Variants in RIMS2 observed in about 807,000 individuals in gnomAD.
RIMS2 encodes the protein regulating synaptic membrane exocytosis 2, also known as regulating synaptic membrane exocytosis protein 2.
RIMS2 carries 59 observed loss-of-function variants against 174.4 expected under a neutral mutation model. That is an observed-to-expected ratio of 0.34 (90% CI 0.27 to 0.42). RIMS2 has a LOEUF of 0.42. Ranked by LOEUF, RIMS2 falls within the 10% of genes least tolerant of loss-of-function variation. The pLI is 1.00. For missense variants in RIMS2, 1,620 were observed against 1,666.3 expected (o/e 0.97, Z 0.48); for synonymous variants, 606 against 572.5 (o/e 1.06, Z -0.84).
At chr8:103,640,309 A>G (rs947862984) in intron 1 of RIMS2, among the ~76,000 whole-genome samples, 2 of 151,684 alleles carry the variant, frequency 1.3e-5, no homozygotes, top group African/African-American at 2.4e-5. Flanking sequence ...GAATTTATCA[A>G]TTTATTGGTC....
intron 16 of RIMS2, 25 bp from the exon 19 acceptor site, chr8:103,989,280 T>C (rs778193318): frequency 7.7e-7 from 1 of 1,295,810 alleles, no homozygotes; most frequent in South Asian, 1.2e-5. Context: ...TTTACTAAGA[T>C]ATTGAATAGA....
At chr8:103,640,599 T>G (rs1298564517) in intron 1 of RIMS2, among the ~76,000 whole-genome samples, 6 of 152,078 alleles carry the variant, frequency 3.9e-5, no homozygotes, top group Non-Finnish European at 8.8e-5. Flanking sequence ...TTTAATCTAT[T>G]TTGAGACTTG....
intron 3 of RIMS2, among the ~76,000 whole-genome samples, chr8:103,856,600 G>T (rs748715302): frequency 3.3e-5 from 5 of 152,166 alleles, no homozygotes; most frequent in Non-Finnish European, 5.9e-5. Flanking sequence ...AGGAAAGTTG[G>T]TGGCCTTTCA....
At chr8:104,082,564 G>A (rs2097443458) in intron 19 of RIMS2, among the ~76,000 whole-genome samples, 1 of 152,098 alleles carries the variant, frequency 6.6e-6, no homozygotes, top group Non-Finnish European at 1.5e-5. Context: ...CTTTAGTGTG[G>A]AAATATACAA....
chr8:103,809,501 C>T (rs1304478961), intron 3 of RIMS2, among the ~76,000 whole-genome samples: 1 of 152,074 alleles, frequency 6.6e-6, no homozygotes, highest in African/African-American at 2.4e-5. Flanking sequence ...TCCCTCCACT[C>T]CTTTTTCTTT....
intron 17 of RIMS2, among the ~76,000 whole-genome samples, chr8:103,996,513 C>T (rs1355916228): frequency 6.6e-6 from 1 of 151,804 alleles, no homozygotes; most frequent in African/African-American, 2.4e-5. Flanking sequence ...AAAACAATTG[C>T]ATTATTTAGA....
intron 4 of RIMS2, among the ~76,000 whole-genome samples, chr8:103,892,583 C>T (rs189762031): frequency 1.3e-5 from 2 of 152,124 alleles, no homozygotes; most frequent in East Asian, 3.9e-4. Flanking sequence ...GTATTCACTC[C>T]ACCTATCGGT....
intron 19 of RIMS2, among the ~76,000 whole-genome samples, chr8:104,083,267 C>A (rs1254448267): frequency 6.6e-6 from 1 of 152,160 alleles, no homozygotes; most frequent in Non-Finnish European, 1.5e-5. Context: ...TAAAGTTACG[C>A]TATTACCTTC....
intron 1 of RIMS2, among the ~76,000 whole-genome samples, chr8:103,528,071 A>G (rs1426873800): frequency 2.0e-5 from 3 of 152,126 alleles, no homozygotes; most frequent in East Asian, 1.9e-4. Flanking sequence ...TGACTTTTTA[A>G]TGATCGCCAT....
chr8:103,766,128 TAACC>T, intron 2 of RIMS2, 95 bp from the exon 6 acceptor site: 2 of 702,312 alleles, frequency 2.8e-6, no homozygotes, highest in East Asian at 5.2e-5. Flanking sequence ...TTCAGAAGGA[TAACC>T]ACGTAATTTT....
intron 19 of RIMS2, among the ~76,000 whole-genome samples, chr8:104,086,578 G>A (rs1336015272): frequency 6.6e-6 from 1 of 152,024 alleles, no homozygotes; most frequent in Non-Finnish European, 1.5e-5. Flanking sequence ...TTCTTCCTCT[G>A]TAAATTATCC....
chr8:103,700,888 G>C (rs2097159346), intron 2 of RIMS2, among the ~76,000 whole-genome samples: 1 of 152,004 alleles, frequency 6.6e-6, no homozygotes, highest in South Asian at 2.1e-4. Flanking sequence ...TGTATTATAA[G>C]AAGCTCACAG....
At chr8:103,544,949 A>G (rs925227205) in intron 1 of RIMS2, among the ~76,000 whole-genome samples, 20 of 152,154 alleles carry the variant, frequency 1.3e-4, no homozygotes, top group Admixed American at 1.1e-3. Context: ...ATGTGAAAAA[A>G]CCAGTGCAAG....
chr8:103,729,280 A>C (rs2138810830), intron 2 of RIMS2, among the ~76,000 whole-genome samples: 1 of 152,144 alleles, frequency 6.6e-6, no homozygotes, highest in Non-Finnish European at 1.5e-5. Flanking sequence ...CAAGCTTTGG[A>C]GTTCTTCATG....
intron 19 of RIMS2, among the ~76,000 whole-genome samples, chr8:104,109,133 TAAAAATACA>T (rs375804982): frequency 1.3e-4 from 19 of 151,518 alleles, no homozygotes; most frequent in African/African-American, 4.6e-4. Flanking sequence ...CTGTCTCTAC[TAAAAATACA>T]AAAAATTAGC....
chr8:103,575,452 A>G (rs1486582944), intron 1 of RIMS2, among the ~76,000 whole-genome samples: 1 of 152,044 alleles, frequency 6.6e-6, no homozygotes, highest in Non-Finnish European at 1.5e-5. Flanking sequence ...GCAGAAATGA[A>G]TGCATGTACT....
At chr8:103,897,598 G>A (rs1247354495) in intron 4 of RIMS2, among the ~76,000 whole-genome samples, 1 of 151,624 alleles carries the variant, frequency 6.6e-6, no homozygotes, top group Non-Finnish European at 1.5e-5. Context: ...CTTTCAGTTT[G>A]CAGACCTAGC....
chr8:104,230,761 G>A (rs943579940), intron 19 of RIMS2, among the ~76,000 whole-genome samples: 19 of 152,152 alleles, frequency 1.2e-4, no homozygotes, highest in Admixed American at 2.6e-4. Context: ...GGAATAAAAC[G>A]AAAGGGAAAA....
intron 4 of RIMS2, among the ~76,000 whole-genome samples, chr8:103,905,442 G>T (rs1450072600): frequency 2.0e-5 from 3 of 151,976 alleles, no homozygotes; most frequent in African/African-American, 7.2e-5. Context: ...TCTGATGAGG[G>T]GTTGGCTATC....
Sources: gnomAD v4.1 joint callset for allele counts (sites outside exome capture counted in the v4.1 genomes callset) on GRCh38, gnomAD v4.1.1 for gene constraint, MANE v1.5 for transcripts, NCBI Gene and HGNC (gene_info 2026-07-23, HGNC 2026-07-21) for gene names.